The following PLXNA4 variants were observed in gnomAD, a reference collection of about 807,000 sequenced individuals.
PLXNA4 encodes plexin-A4.
PLXNA4 carries 44 observed loss-of-function variants against 191.8 expected under a neutral mutation model. The observed-to-expected ratio is 0.23, with a 90% CI of 0.18 to 0.29. The LOEUF (loss-of-function observed/expected upper bound fraction) is 0.29. PLXNA4 is among the 10% of genes least tolerant of loss of function. The pLI is 1.00. For synonymous variants in PLXNA4, 1,082 were observed against 1,009.5 expected (o/e 1.07, Z -1.36); for missense variants, 1,800 against 2,488.8 (o/e 0.72, Z 5.89).
At chr7:132,465,799 C>T (rs956514020) in intron 3 of PLXNA4, among the ~76,000 whole-genome samples, 2 of 152,126 alleles carry the variant, frequency 1.3e-5, no homozygotes, top group African/African-American at 4.8e-5. Flanking sequence ...AGCAGAAAGA[C>T]CCAGAGGAGA....
intron 3 of PLXNA4, among the ~76,000 whole-genome samples, chr7:132,432,392 C>T (rs1168630069): frequency 6.6e-6 from 1 of 152,192 alleles, no homozygotes; most frequent in African/African-American, 2.4e-5. Flanking sequence ...CTCCACACAA[C>T]ACAGCTCAAC....
rs1010978204 is a variant in PLXNA4 at position 132,588,811 on chromosome 7, A to AAAAG, written c.-87+57113_-87+57116dup. Among the ~76,000 whole-genome samples the AAAAG allele has an allele frequency of 1.3e-5, 2 of 151,410 alleles. 1 individual carries two copies. The highest frequency in any genetic ancestry group is 1.3e-4 in the Admixed American group (2 of 15,208). ...AAAAGAAAGAAGAAAGAAAGAAAGAAAAAGAAAGAAAGAGGAAGGAGGGAA... is the reference window on the plus strand; with the variant it reads ...AAAAGAAAGAAGAAAGAAAGAAAGAAAAAGAAAGAAAGAAAGAGGAAGGAGGGAA... On this transcript the variant is annotated intron_variant, in intron 2 of 4. Coordinates refer to the PLXNA4 transcript ENST00000378539.
At position 132,420,848 on chromosome 7, in the gene PLXNA4, CTCTCT is replaced by C. The variant is rs369936448; in HGVS notation, c.1371+68439_1371+68443del. 7.4e-3 allele frequency among the ~76,000 whole-genome samples: 1,122 copies of C among 152,320 alleles called. 5 individuals carry two copies. The highest frequency in any genetic ancestry group is 0.015 in the African/African-American group (622 of 41,566). On this transcript the variant is annotated intron_variant, in intron 3 of 31. Coordinates refer to ENST00000321063, the MANE Select transcript of PLXNA4 (RefSeq NM_020911.2). Reference sequence around the variant, plus strand: ...AAAAACAGGAGTTTCCCTGCATGCACTCTCTTCTCTTCTCTTGTCTGCCACCATGT... The same window carrying C: ...AAAAACAGGAGTTTCCCTGCATGCACTCTCTTCTCTTGTCTGCCACCATGT...
At chr7:132,164,804 G>C (rs1796054111) in intron 23 of PLXNA4, among the ~76,000 whole-genome samples, 2 of 152,248 alleles carry the variant, frequency 1.3e-5, no homozygotes, top group Non-Finnish European at 2.9e-5. Context: ...GGCTGGGAGA[G>C]GGAAGAGGAA....
At position 132,127,861 on chromosome 7, in the gene PLXNA4, T is replaced by TAA. The variant is rs1794813985; in HGVS notation, c.*2616_*2617dup. On this transcript the variant is annotated 3_prime_UTR_variant, in exon 32 of 32. Coordinates refer to ENST00000321063, the MANE Select transcript of PLXNA4 (RefSeq NM_020911.2). Reference sequence around the variant, plus strand: ...CTTATAACAAAAACATGGAATAAAATAAAGTCCTGTACCGCCAAAGTAACA... The same window carrying TAA: ...CTTATAACAAAAACATGGAATAAAATAAAAAGTCCTGTACCGCCAAAGTAACA... 1 of 147,922 alleles carries TAA rather than the reference T, an allele frequency of 6.8e-6. No individual in the cohort carries two copies. Among genetic ancestry groups the TAA allele is most frequent in the Non-Finnish European group, 1.5e-5 (1 of 67,240 alleles). The allele number at this position is 147,922 out of a possible 1,614,324, so 9.2% of individuals were successfully genotyped here.
At chr7:132,374,369 T>C (rs1804570556) in intron 3 of PLXNA4, among the ~76,000 whole-genome samples, 1 of 152,186 alleles carries the variant, frequency 6.6e-6, no homozygotes, top group Non-Finnish European at 1.5e-5. Flanking sequence ...CTCTCAGTTC[T>C]GAGGGGCTGA....
At chr7:132,396,862 A>C (rs184231309) in intron 3 of PLXNA4, among the ~76,000 whole-genome samples, 224 of 152,230 alleles carry the variant, frequency 1.5e-3, no homozygotes, top group Middle Eastern at 3.4e-3. Context: ...GGTGCAGTGC[A>C]CCCTCTCCAG....
In PLXNA4 at chr7:132,126,284, A is replaced by C. The variant is rs1183014889; in HGVS notation, c.*4195T>G. ...CCATAGGGCCTTGGCTAGACGAGGG[A>C]GCTCCTACAGCCAGGAAGGCAGCTT... On this transcript the variant is annotated 3_prime_UTR_variant, in exon 32 of 32. Transcript: ENST00000321063. The C allele has an allele frequency of 6.6e-6, 1 of 152,226 alleles. No homozygotes were observed. The highest frequency in any genetic ancestry group is 1.5e-5 in the Non-Finnish European group (1 of 68,292). 9.4% of individuals were successfully genotyped at this position (152,226 alleles called of 1,614,324 possible). A position where few individuals can be genotyped will look rare whatever the true frequency, so the allele number is the denominator to read the frequency against.
At chr7:132,449,195 T>G (rs1053688856) in intron 3 of PLXNA4, among the ~76,000 whole-genome samples, 2 of 152,200 alleles carry the variant, frequency 1.3e-5, no homozygotes, top group Non-Finnish European at 2.9e-5. Context: ...CTGGCTCTAC[T>G]CATTCCTGTA....
intron 1 of PLXNA4, among the ~76,000 whole-genome samples, chr7:132,545,679 T>C (rs1302994469): frequency 6.6e-6 from 1 of 152,212 alleles, no homozygotes; most frequent in Non-Finnish European, 1.5e-5. Context: ...GTGGATGACT[T>C]TCATTTGTTT....
intron 9 of PLXNA4, 121 bp downstream of exon 9, chr7:132,223,406 A>G: frequency 1.3e-6 from 1 of 795,098 alleles, no homozygotes; most frequent in Middle Eastern, 3.1e-4. Context: ...CTTAAGAGCC[A>G]GGAAGAAGGG....
chr7:132,189,749 G>A (rs1045120200), intron 14 of PLXNA4, among the ~76,000 whole-genome samples: 1 of 152,096 alleles, frequency 6.6e-6, no homozygotes, highest in Admixed American at 6.5e-5. Context: ...ATAGATGGGG[G>A]TTCTGTCCCT....
chr7:132,303,857 G>T (rs1801409302), intron 3 of PLXNA4, among the ~76,000 whole-genome samples: 1 of 152,184 alleles, frequency 6.6e-6, no homozygotes, highest in Admixed American at 6.6e-5. Context: ...TGCTATGGCA[G>T]AGGAGTGTTC....
At chr7:132,154,915 G>A (rs1470196412) in intron 25 of PLXNA4, among the ~76,000 whole-genome samples, 1 of 152,084 alleles carries the variant, frequency 6.6e-6, no homozygotes, top group African/African-American at 2.4e-5. Context: ...GAGAGAGGGA[G>A]GTGAAATAAA....
At chr7:132,386,080 C>T (rs1332695425) in intron 3 of PLXNA4, among the ~76,000 whole-genome samples, 2 of 152,134 alleles carry the variant, frequency 1.3e-5, no homozygotes, top group Non-Finnish European at 2.9e-5. Flanking sequence ...GAGGGATTAC[C>T]TCCAGCTCAG....
rs1222520040 is a variant in PLXNA4, at chr7:132,125,857, G to A, written c.*4622C>T. 4.6e-5 allele frequency: 7 copies of A among 152,284 alleles called. No homozygotes were observed. Among genetic ancestry groups the A allele is most frequent in the Admixed American group, 1.3e-4 (2 of 15,272 alleles). The allele number at this position is 152,284 out of a possible 1,614,324, so 9.4% of individuals were successfully genotyped here. A position where few individuals can be genotyped will look rare whatever the true frequency, so the allele number is the denominator to read the frequency against. ...AAAGACCCCTTGAAGGCCTTGAAGA[G>A]CTGGCTGGGGCTGCTCACTGGGCTC... On this transcript the variant is annotated 3_prime_UTR_variant, in exon 32 of 32. Coordinates refer to ENST00000321063, the MANE Select transcript of PLXNA4 (RefSeq NM_020911.2).
At chr7:132,252,749 T>C (rs1799299221) in intron 4 of PLXNA4, among the ~76,000 whole-genome samples, 1 of 152,198 alleles carries the variant, frequency 6.6e-6, no homozygotes. Context: ...TACCAGCACC[T>C]AGACACCGGT....
At chr7:132,182,021 G>T in intron 17 of PLXNA4, 76 bp downstream of exon 17, 1 of 1,605,842 alleles carries the variant, frequency 6.2e-7, no homozygotes, top group South Asian at 1.1e-5. Context: ...CTCAGTACTT[G>T]GGAAGACCCA....
chr7:132,143,264 G>A lies in PLXNA4; in HGVS notation c.5225+1855C>T, dbSNP rs187273889. Among the ~76,000 whole-genome samples the A allele has an allele frequency of 8.4e-4, 128 of 152,256 alleles. 3 individuals carry two copies. Among genetic ancestry groups the A allele is most frequent in the Admixed American group, 8.4e-3 (128 of 15,294 alleles). ...TAGATCAAGTCAGGGTTGGGGGAAA[G>A]TGTCCTCAGGGTTGGGGGAAACTGT... On this transcript the variant is annotated intron_variant, in intron 29 of 31. Transcript: ENST00000321063.
Sources: allele counts gnomAD v4.1 joint callset (sites outside exome capture counted in the v4.1 genomes callset), GRCh38; gene constraint gnomAD v4.1.1; transcripts MANE v1.5; gene names NCBI Gene and HGNC (gene_info 2026-07-23, HGNC 2026-07-21).